PCM1: variants seen among roughly 807,000 people sequenced by gnomAD.
PCM1 encodes pericentriolar material 1.
Under a neutral mutation model 241.9 loss-of-function variants are expected in PCM1, and 157 were observed. That is an observed-to-expected ratio of 0.65 (90% CI 0.57 to 0.74). The LOEUF (loss-of-function observed/expected upper bound fraction) is 0.74, where lower values mean the gene tolerates loss of function less well. PCM1 is among the 30% of genes least tolerant of loss of function. PCM1 has a pLI of 0.00. For missense variants in PCM1, 3,478 were observed against 2,360.1 expected, an observed-to-expected ratio of 1.47 and a Z score of -9.81; for synonymous variants, 1,085 against 784.9, an observed-to-expected ratio of 1.38 and a Z score of -6.39.
At chr8:18,017,922 T>C (rs946532766) in intron 36 of PCM1, among the ~76,000 whole-genome samples, 3 of 152,032 alleles carry the variant, frequency 2.0e-5, no homozygotes, top group Non-Finnish European at 4.4e-5. Flanking sequence ...ATCAAGGGAT[T>C]CTCTGGTATG....
In PCM1 at chr8:17,972,407, A is replaced by G. The variant is rs547148399; in HGVS notation, c.3663A>G (p.Lys1221=). The G allele has an allele frequency of 3.1e-6, 5 of 1,608,862 alleles. No homozygotes were observed. Among genetic ancestry groups the G allele is most frequent in the Middle Eastern group, 1.7e-4 (1 of 6,054 alleles). ...WLYEQEGEVE[K]PFIKTGFSVS... ...ATGAACAAGAAGGTGAAGTAGAGAAACCATTTATCAAGACTGGATTTTCAG... is the reference window on the plus strand; with the variant it reads ...ATGAACAAGAAGGTGAAGTAGAGAAGCCATTTATCAAGACTGGATTTTCAG... Residue 1221 remains lysine, a synonymous_variant, in exon 23 of 39, where the codon AAA becomes AAG. Transcript: ENST00000325083.
intron 2 of PCM1, chr8:17,927,123 GA>G (rs1397293783): frequency 2.1e-5 from 3 of 144,724 alleles, no homozygotes; most frequent in African/African-American, 7.6e-5. Context: ...TGATCACTTT[GA>G]TTTTTTTTTT....
chr8:18,017,526 G>C (rs2093340605), intron 36 of PCM1, among the ~76,000 whole-genome samples: 1 of 152,014 alleles, frequency 6.6e-6, no homozygotes, highest in Admixed American at 6.6e-5. Flanking sequence ...GGACCTACCT[G>C]TGTTGGGCCA....
chr8:18,008,156 A>G (rs1182012440), intron 30 of PCM1, among the ~76,000 whole-genome samples: 1 of 152,094 alleles, frequency 6.6e-6, no homozygotes, highest in Non-Finnish European at 1.5e-5. Context: ...CGAGTGAGCA[A>G]AGCTTCATCT....
rs779620571 is a variant in PCM1, at chr8:17,986,101, G to A, written c.4410+14G>A. 3 of 1,524,436 alleles carry A rather than the reference G, an allele frequency of 2.0e-6. No homozygotes were observed. Among genetic ancestry groups the A allele is most frequent in the African/African-American group, 2.8e-5 (2 of 70,980 alleles). 94.4% of individuals were successfully genotyped at this position (1,524,436 alleles called of 1,614,324 possible). A position where few individuals can be genotyped will look rare whatever the true frequency, so the allele number is the denominator to read the frequency against. ...ACTACTGATGATGTAAGCTGATAAT[G>A]ATTAGTGAATTGTAGATATAATTTT... On this transcript the variant is annotated intron_variant, in intron 26 of 38. Transcript: ENST00000325083.
rs2080416869 is a variant in PCM1, at chr8:17,980,708, A to T, written c.4061A>T (p.Gln1354Leu). Residue 1354 changes from glutamine (Q) to leucine (L), a missense_variant, in exon 24 of 39, where the codon CAA becomes CTA. By Grantham distance (113) the Gln-to-Leu change is moderately radical. Coordinates refer to ENST00000325083, the MANE Select transcript of PCM1 (RefSeq NM_006197.4). ...AKVFSRKNHE[Q>L]LEKIIKCNRS... Reference sequence around the variant, plus strand: ...GTATTCAGCAGAAAGAATCATGAGCAACTGGAAAAAATAATAAAATGTAAT... The same window carrying T: ...GTATTCAGCAGAAAGAATCATGAGCTACTGGAAAAAATAATAAAATGTAAT... The T allele has an allele frequency of 6.2e-7, 1 of 1,612,614 alleles. No homozygotes were observed. Among genetic ancestry groups the T allele is most frequent in the Admixed American group, 1.7e-5 (1 of 60,000 alleles).
chr8:17,945,742 A>G (rs2063554423), intron 6 of PCM1, among the ~76,000 whole-genome samples: 4 of 152,150 alleles, frequency 2.6e-5, no homozygotes, highest in South Asian at 4.1e-4. Context: ...TGCATGCTCC[A>G]TAATTTCTCT....
rs1156932701 is a variant in PCM1 at position 17,991,534 on chromosome 8, A to T, written c.4532-8A>T. ...CATACTCAAAAAATATTTTTGTTCC[A>T]AATGTAGGTAACACCGTGATTCACT... On this transcript the variant is annotated splice_region_variant and splice_polypyrimidine_tract_variant and intron_variant, in intron 27 of 38. Coordinates refer to ENST00000325083, the MANE Select transcript of PCM1 (RefSeq NM_006197.4). 12 of 1,575,932 alleles carry T rather than the reference A, an allele frequency of 7.6e-6. No individual in the cohort carries two copies. Among genetic ancestry groups the T allele is most frequent in the Admixed American group, 1.8e-5 (1 of 54,308 alleles).
intron 36 of PCM1, among the ~76,000 whole-genome samples, chr8:18,017,847 C>CCAT (rs370939087): frequency 0.017 from 2,587 of 151,766 alleles, 42 homozygotes; most frequent in South Asian, 0.045. Context: ...GAGCAAAACT[C>CCAT]CATCTCAAAA....
chr8:17,939,589 C>G, intron 5 of PCM1, 102 bp from the exon 6 acceptor site: 1 of 560,970 alleles, frequency 1.8e-6, no homozygotes, highest in Non-Finnish European at 2.9e-6. Flanking sequence ...TGGTTATCTT[C>G]GAAATAAAAA....
chr8:17,998,035 G>GAAAA (rs764623076), intron 29 of PCM1, among the ~76,000 whole-genome samples: 1 of 127,204 alleles, frequency 7.9e-6, no homozygotes, highest in Non-Finnish European at 1.7e-5. Context: ...GGCTCCGTCT[G>GAAAA]AAAAAAAAAA....
rs746858287 is a variant in PCM1, at chr8:18,011,843, C to T, written c.5511+16C>T. 2 of 1,601,534 alleles carry T rather than the reference C, an allele frequency of 1.2e-6. No homozygotes were observed. Among genetic ancestry groups the T allele is most frequent in the Admixed American group, 3.5e-5 (2 of 57,622 alleles). On this transcript the variant is annotated intron_variant, in intron 34 of 38. Transcript: ENST00000325083. ...TGATGAACAGGTATTCCCGTATTGA[C>T]TGACACACTTCCATCAGCCTTATTT... is the stretch of plus-strand genomic sequence containing the variant.
chr8:18,019,758 T>TC (rs965548556), intron 36 of PCM1, among the ~76,000 whole-genome samples: 1 of 152,014 alleles, frequency 6.6e-6, no homozygotes, highest in Non-Finnish European at 1.5e-5. Context: ...GCTCGCTGGC[T>TC]CCCCCCACCA....
intron 20 of PCM1, among the ~76,000 whole-genome samples, 158 bp downstream of exon 20, chr8:17,966,631 C>T (rs1043962950): frequency 6.6e-6 from 1 of 152,154 alleles, no homozygotes; most frequent in African/African-American, 2.4e-5. Flanking sequence ...CTAATGTTTC[C>T]TTTTAATACC....
At chr8:18,013,474 T>C (rs2092763272) in intron 34 of PCM1, among the ~76,000 whole-genome samples, 1 of 152,202 alleles carries the variant, frequency 6.6e-6, no homozygotes, top group Admixed American at 6.5e-5. Context: ...AGAACCTACG[T>C]AGGCACATTT....
At position 18,009,113 on chromosome 8, in the gene PCM1, A is replaced by G. The variant is rs2092037503; in HGVS notation, c.4963-434A>G. Among the ~76,000 whole-genome samples, 5 of 152,066 alleles carry G rather than the reference A, an allele frequency of 3.3e-5. No individual in the cohort carries two copies. The South Asian group carries it at 8.3e-4, about 25-fold the overall frequency. On this transcript the variant is annotated intron_variant, in intron 30 of 38. Transcript: ENST00000325083. ...ATGTTTACTTTTGAAGAAAAATTTAAATTAGAATGGTTGTCTTAAGTAAAG... is the reference window on the plus strand; with the variant it reads ...ATGTTTACTTTTGAAGAAAAATTTAGATTAGAATGGTTGTCTTAAGTAAAG...
chr8:17,963,416 TTAAC>T (rs1375140541), intron 17 of PCM1, 125 bp downstream of exon 17: 8 of 620,086 alleles, frequency 1.3e-5, no homozygotes, highest in Non-Finnish European at 2.2e-5. Context: ...AGGCTACTGT[TTAAC>T]TACCACCTTT....
At chr8:17,962,541 A>G (rs1304635288) in intron 16 of PCM1, among the ~76,000 whole-genome samples, 2 of 152,108 alleles carry the variant, frequency 1.3e-5, no homozygotes, top group Non-Finnish European at 2.9e-5. Flanking sequence ...CATTTTATTT[A>G]TATGTGGTTT....
intron 24 of PCM1, among the ~76,000 whole-genome samples, chr8:17,984,008 T>A (rs997006168): frequency 6.6e-6 from 1 of 152,050 alleles, no homozygotes; most frequent in Non-Finnish European, 1.5e-5. Context: ...CTGATTAAGA[T>A]TAGGGATTTT....
Sources: allele counts gnomAD v4.1 joint callset (sites outside exome capture counted in the v4.1 genomes callset), GRCh38; gene constraint gnomAD v4.1.1; transcripts MANE v1.5; gene names NCBI Gene and HGNC (gene_info 2026-07-23, HGNC 2026-07-21).